PPP1R9A: variants seen among roughly 807,000 people sequenced by gnomAD.
The protein encoded by PPP1R9A is protein phosphatase 1 regulatory subunit 9A, also known as neurabin-1.
In PPP1R9A, 59 loss-of-function variants were observed where a neutral mutation model predicts 141.9. The observed-to-expected ratio is 0.42, with a 90% CI of 0.34 to 0.52. PPP1R9A has a LOEUF of 0.52. Ranked by LOEUF, PPP1R9A falls within the 20% of genes least tolerant of loss-of-function variation. PPP1R9A has a pLI of 0.10. For synonymous variants in PPP1R9A, 500 were observed against 569.7 expected (o/e 0.88, Z 1.74); for missense variants, 1,444 against 1,611.9 (o/e 0.90, Z 1.78).
intron 2 of PPP1R9A, among the ~76,000 whole-genome samples, chr7:94,950,360 A>G (rs1796339479): frequency 6.6e-6 from 1 of 151,836 alleles, no homozygotes; most frequent in Admixed American, 6.6e-5. Context: ...TATTTGCTTT[A>G]TTTCTATGTC....
chr7:94,929,746 G>T (rs1009274635), intron 2 of PPP1R9A, among the ~76,000 whole-genome samples: 2 of 152,062 alleles, frequency 1.3e-5, no homozygotes, highest in Non-Finnish European at 2.9e-5. Context: ...GAGATAGATA[G>T]AAAGGCTAGG....
chr7:95,026,190 G>C (rs1170771497), intron 2 of PPP1R9A, among the ~76,000 whole-genome samples: 1 of 152,190 alleles, frequency 6.6e-6, no homozygotes, highest in Non-Finnish European at 1.5e-5. Context: ...TTTCATGCTG[G>C]TTTCTTCTGA....
chr7:95,106,197 C>G (rs189951640), intron 2 of PPP1R9A, among the ~76,000 whole-genome samples: 2 of 152,232 alleles, frequency 1.3e-5, no homozygotes, highest in East Asian at 3.9e-4. Flanking sequence ...CTTTTCCTCT[C>G]CCCTCATTGA....
At position 94,910,927 on chromosome 7, in the gene PPP1R9A, C is replaced by T. The variant is rs140508899; in HGVS notation, c.814C>T (p.His272Tyr). 1.9e-6 allele frequency: 3 copies of T among 1,613,982 alleles called. No individual in the cohort carries two copies. The highest frequency in any genetic ancestry group is 2.5e-6 in the Non-Finnish European group (3 of 1,180,020). ...GCGAGGTGTTGATACAGAGGATGCT[C>T]ACAAGAGTAATGCAACTCCAGTACC... ...NKRGVDTEDA[H>Y]KSNATPVPEV... The change falls in exon 2 of 20, where the codon CAC (histidine) becomes TAC (tyrosine). Residue 272 changes from histidine (H) to tyrosine (Y), a missense_variant. By Grantham distance (83) the His-to-Tyr change is moderately conservative (BLOSUM62 2). Coordinates refer to ENST00000433360, the MANE Select transcript of PPP1R9A (RefSeq NM_001166160.2). This position sits in a 1 kb window ranked among gnomAD's most constrained non-coding sequence, Gnocchi z 4.5.
At chr7:95,067,307 A>G (rs1813082906) in intron 2 of PPP1R9A, among the ~76,000 whole-genome samples, 1 of 152,194 alleles carries the variant, frequency 6.6e-6, no homozygotes, top group African/African-American at 2.4e-5. Context: ...TTAGGCTAAT[A>G]GTTGGCTCAG....
intron 2 of PPP1R9A, among the ~76,000 whole-genome samples, chr7:94,984,078 A>G (rs1475630034): frequency 1.3e-5 from 2 of 152,146 alleles, no homozygotes; most frequent in Non-Finnish European, 2.9e-5. Flanking sequence ...TTTTGCATCT[A>G]TTGAGATAAT....
At chr7:95,035,137 C>G (rs115152003) in intron 2 of PPP1R9A, among the ~76,000 whole-genome samples, 2,109 of 152,146 alleles carry the variant, frequency 0.014, 60 homozygotes, top group African/African-American at 0.049. Flanking sequence ...AATTAATATT[C>G]AGTTTATTCT....
intron 2 of PPP1R9A, among the ~76,000 whole-genome samples, chr7:95,101,819 G>A (rs1339912256): frequency 6.6e-6 from 1 of 151,832 alleles, no homozygotes; most frequent in African/African-American, 2.4e-5. Context: ...CCGTAGTTTT[G>A]CAAGAAAAAA....
At chr7:95,186,617 A>G (rs1834696564) in intron 5 of PPP1R9A, among the ~76,000 whole-genome samples, 1 of 152,094 alleles carries the variant, frequency 6.6e-6, no homozygotes, top group South Asian at 2.1e-4. Flanking sequence ...GAATGCTTTC[A>G]ACTTTTCCCC....
At chr7:94,970,919 A>C (rs996699715) in intron 2 of PPP1R9A, among the ~76,000 whole-genome samples, 1 of 151,912 alleles carries the variant, frequency 6.6e-6, no homozygotes, top group Admixed American at 6.6e-5. Flanking sequence ...AATTTCTTAC[A>C]TAGTAAGTGG....
At chr7:94,918,480 A>AT (rs1405544509) in intron 2 of PPP1R9A, among the ~76,000 whole-genome samples, 1 of 152,016 alleles carries the variant, frequency 6.6e-6, no homozygotes, top group Admixed American at 6.6e-5. Context: ...TTAATTTGCA[A>AT]TTTTTTATTA....
At chr7:95,083,435 A>C (rs1402730636) in intron 2 of PPP1R9A, among the ~76,000 whole-genome samples, 1 of 152,074 alleles carries the variant, frequency 6.6e-6, no homozygotes, top group East Asian at 1.9e-4. Flanking sequence ...GGCCTGTTTC[A>C]GGGAGGAATG....
At chr7:95,097,265 A>G (rs1818166578) in intron 2 of PPP1R9A, among the ~76,000 whole-genome samples, 1 of 152,128 alleles carries the variant, frequency 6.6e-6, no homozygotes, top group Non-Finnish European at 1.5e-5. Context: ...ATCTCAGGTG[A>G]TGCGCCCACC....
intron 3 of PPP1R9A, among the ~76,000 whole-genome samples, chr7:95,113,673 A>G (rs1309383078): frequency 6.6e-6 from 1 of 152,208 alleles, no homozygotes; most frequent in East Asian, 1.9e-4. Context: ...CAAGAATCCC[A>G]TATCCATCCC....
intron 2 of PPP1R9A, among the ~76,000 whole-genome samples, chr7:95,075,028 A>G (rs1301233317): frequency 1.3e-5 from 2 of 151,802 alleles, no homozygotes; most frequent in Non-Finnish European, 2.9e-5. Context: ...TCATTTTTCT[A>G]TTGGTTTATC....
intron 2 of PPP1R9A, among the ~76,000 whole-genome samples, chr7:95,064,138 T>A (rs1414651917): frequency 6.6e-6 from 1 of 152,186 alleles, no homozygotes; most frequent in Non-Finnish European, 1.5e-5. Context: ...ACTGAATCAG[T>A]GCATATAGAA....
intron 2 of PPP1R9A, among the ~76,000 whole-genome samples, chr7:94,966,840 T>C (rs756239692): frequency 3.3e-5 from 5 of 152,158 alleles, no homozygotes; most frequent in Admixed American, 3.3e-4. Context: ...AAAATGAGTT[T>C]GGGAGGAGTC....
intron 2 of PPP1R9A, among the ~76,000 whole-genome samples, chr7:95,102,789 T>A (rs1016851043): frequency 3.3e-5 from 5 of 152,200 alleles, no homozygotes; most frequent in Non-Finnish European, 5.9e-5. Context: ...TATTCCTGAC[T>A]ACCTTGTCAA....
chr7:95,191,514 A>G lies in PPP1R9A; in HGVS notation c.1755-6835A>G, dbSNP rs553279051. ...GCTATTTGAAACTCTGTAATATATT[A>G]TTGTTAACTAGAGTCATCCCACAAC... On this transcript the variant is annotated intron_variant, in intron 5 of 19. Transcript: ENST00000433360. Among the ~76,000 whole-genome samples the G allele has an allele frequency of 9.9e-5, 15 of 152,224 alleles. No individual in the cohort carries two copies. In the South Asian group the frequency reaches 2.7e-3, roughly 27 times the overall value.
Sources: allele counts gnomAD v4.1 joint callset (sites outside exome capture counted in the v4.1 genomes callset), GRCh38; gene constraint gnomAD v4.1.1; non-coding constraint Gnocchi (gnomAD v3.1); transcripts MANE v1.5; gene names NCBI Gene and HGNC (gene_info 2026-07-23, HGNC 2026-07-21).